The following CACNA1C variants were observed in gnomAD, a reference collection of about 807,000 sequenced individuals.
CACNA1C encodes calcium voltage-gated channel subunit alpha1 C.
In CACNA1C, 30 loss-of-function variants were observed where a neutral mutation model predicts 229.0. The ratio of observed to expected loss-of-function variants is 0.13; its 90% confidence interval spans 0.10 to 0.18. The LOEUF (loss-of-function observed/expected upper bound fraction) is 0.18, where lower values mean the gene tolerates loss of function less well. CACNA1C is among the 10% of genes least tolerant of loss of function. The pLI is 1.00. For missense variants in CACNA1C, 1,658 were observed against 2,845.0 expected, an observed-to-expected ratio of 0.58 and a Z score of 9.49; for synonymous variants, 1,114 against 1,132.5, an observed-to-expected ratio of 0.98 and a Z score of 0.33.
chr12:2,517,756 G>T (rs536244860), intron 9 of CACNA1C, among the ~76,000 whole-genome samples: 5 of 152,342 alleles, frequency 3.3e-5, no homozygotes, highest in African/African-American at 1.2e-4. Flanking sequence ...ACTGCTCAAA[G>T]GGACAGGGCT....
At chr12:2,573,033 T>TTTC (rs566983235) in intron 13 of CACNA1C, among the ~76,000 whole-genome samples, 2 of 150,140 alleles carry the variant, frequency 1.3e-5, no homozygotes, top group African/African-American at 4.9e-5. Context: ...TCTTCTTCCT[T>TTTC]TTCTTCTTCT....
chr12:2,197,654 ACTTC>A (rs1326560548), intron 3 of CACNA1C, among the ~76,000 whole-genome samples: 1 of 152,196 alleles, frequency 6.6e-6, no homozygotes, highest in African/African-American at 2.4e-5. Flanking sequence ...ATCAGTCAGG[ACTTC>A]CTTCCTTTCC....
intron 3 of CACNA1C, among the ~76,000 whole-genome samples, chr12:2,256,859 A>G (rs1469462411): frequency 6.6e-6 from 1 of 152,210 alleles, no homozygotes; most frequent in African/African-American, 2.4e-5. Flanking sequence ...CCAGGTTTGG[A>G]AACCAGCATG....
chr12:2,611,926 C>A lies in CACNA1C; in HGVS notation c.3741C>A (p.Phe1247Leu). 1 of 1,613,374 alleles carries A rather than the reference C, an allele frequency of 6.2e-7. No individual in the cohort carries two copies. Among genetic ancestry groups the A allele is most frequent in the South Asian group, 1.1e-5 (1 of 91,042 alleles). The change falls in exon 29 of 47, where the codon TTC (phenylalanine) becomes TTA (leucine). Residue 1247 changes from phenylalanine to leucine, a missense_variant. This residue lies in a region of CACNA1C where 67 missense variants were observed against 106.4 expected (regional missense o/e 0.63). Transcript: ENST00000399655. Reference sequence around the variant, plus strand: ...AGCACTACGGCCAGAGCTGCCTGTTCAAAATCGCCATGAACATCCTCAACA... The same window carrying A: ...AGCACTACGGCCAGAGCTGCCTGTTAAAAATCGCCATGAACATCCTCAACA... The part of the protein sequence containing the change: ...AMQHYGQSCL[F>L]KIAMNILNML...
At chr12:2,552,658 A>G (rs1235898547) in intron 10 of CACNA1C, among the ~76,000 whole-genome samples, 2 of 152,124 alleles carry the variant, frequency 1.3e-5, no homozygotes, top group South Asian at 2.1e-4. Flanking sequence ...GGTGAGAGGT[A>G]ATGTGGCAGC....
Position 2,653,978 on chromosome 12 carries a change from C to T in CACNA1C, c.4140+78C>T. On this transcript the variant is annotated intron_variant, in intron 33 of 46. Transcript: ENST00000399655. The surrounding 1 kb of genome is among the most constrained non-coding windows in gnomAD (Gnocchi z 4.7). ...GTTCCCAGCACCACATTCCCTAACG[C>T]CTTCCTCCCTCCCTTCTCCCTTTCA... The T allele has an allele frequency of 8.8e-7, 1 of 1,131,710 alleles. No homozygotes were observed. The highest frequency in any genetic ancestry group is 1.5e-5 in the African/African-American group (1 of 65,836). 70.1% of individuals were successfully genotyped at this position (1,131,710 alleles called of 1,614,324 possible).
intron 37 of CACNA1C, 39 bp from the exon 38 acceptor site, chr12:2,668,894 C>A (rs2096389923): frequency 7.1e-7 from 1 of 1,412,454 alleles, no homozygotes; most frequent in African/African-American, 1.4e-5. Flanking sequence ...CTAAGCACCG[C>A]CTGCCATCAT....
In CACNA1C at chr12:2,348,923, T is replaced by C. The variant is rs1361508464; in HGVS notation, c.478-100053T>C. Among the ~76,000 whole-genome samples the C allele has an allele frequency of 1.3e-5, 2 of 152,136 alleles. No individual in the cohort carries two copies. The highest frequency in any genetic ancestry group is 2.9e-5 in the Non-Finnish European group (2 of 68,014). ...CTAAAGTCCTCCTTAATGGAATTCC[T>C]CTTAGAGGCAGGCATCGACTGGCTA... On this transcript the variant is annotated intron_variant, in intron 3 of 46. Coordinates refer to ENST00000399655, the MANE Select transcript of CACNA1C (RefSeq NM_000719.7). This position sits in a 1 kb window ranked among gnomAD's most constrained non-coding sequence, Gnocchi z 4.7.
rs757710186 is a variant in CACNA1C at position 2,651,648 on chromosome 12, G to A, written c.3954G>A (p.Glu1318=). ...HTQCSPSMNA[E]ENSRISITFF... ...TTGCCGACGGGTTCCAGAACGCAGAGGAAAACTCCCGCATCTCCATCACCT... is the reference window on the plus strand; with the variant it reads ...TTGCCGACGGGTTCCAGAACGCAGAAGAAAACTCCCGCATCTCCATCACCT... Residue 1318 remains glutamate, a synonymous_variant, in exon 32 of 47, where the codon GAG becomes GAA. Coordinates refer to ENST00000399655, the MANE Select transcript of CACNA1C (RefSeq NM_000719.7). This position sits in a 1 kb window ranked among gnomAD's most constrained non-coding sequence, Gnocchi z 5.4. 6.2e-7 allele frequency: 1 copy of A among 1,613,914 alleles called. No individual in the cohort carries two copies. The highest frequency in any genetic ancestry group is 1.1e-5 in the South Asian group (1 of 91,050).
At chr12:1,983,805 G>T (rs1328682609) in intron 1 of CACNA1C, among the ~76,000 whole-genome samples, 2 of 151,532 alleles carry the variant, frequency 1.3e-5, no homozygotes, top group East Asian at 3.9e-4. Context: ...ATTGATTGTA[G>T]AAAGTGGAGC....
intron 1 of CACNA1C, among the ~76,000 whole-genome samples, chr12:2,014,008 G>A (rs755254927): frequency 2.6e-5 from 4 of 152,146 alleles, no homozygotes; most frequent in African/African-American, 9.7e-5. Context: ...AAAGGGAAGG[G>A]TGTTTTCCAC....
Position 2,457,554 on chromosome 12 carries a change from TC to T in CACNA1C, c.618-11del. 1 of 1,606,800 alleles carries T rather than the reference TC, an allele frequency of 6.2e-7. No individual in the cohort carries two copies. The highest frequency in any genetic ancestry group is 1.1e-5 in the South Asian group (1 of 90,040). On this transcript the variant is annotated splice_polypyrimidine_tract_variant and intron_variant, in intron 4 of 46. Coordinates refer to ENST00000399655, the MANE Select transcript of CACNA1C (RefSeq NM_000719.7). The stretch of plus-strand genomic sequence containing the variant: ...CCAGTCCTGACAGTCCTTCTCTCTT[TC>T]CTCTCTTCTAGGCTTTTTAGTGCAA...
rs1053260738 is a variant in CACNA1C at position 2,054,513 on chromosome 12, C to T, written c.49+902C>T. Among the ~76,000 whole-genome samples the T allele has an allele frequency of 1.1e-3, 166 of 152,340 alleles. 1 individual carries two copies. Among genetic ancestry groups the T allele is most frequent in the African/African-American group, 3.9e-3 (161 of 41,590 alleles). The stretch of plus-strand genomic sequence containing the variant: ...TGGCCGCGAGTGTCACCAGCTCCCC[C>T]TGTGATGGTGAAAGGCAGTCAGGTA... On this transcript the variant is annotated intron_variant, in intron 1 of 46. Transcript: ENST00000399655. This position sits in a 1 kb window ranked among gnomAD's most constrained non-coding sequence, Gnocchi z 5.5.
intron 6 of CACNA1C, among the ~76,000 whole-genome samples, chr12:2,492,258 A>T (rs928585783): frequency 6.6e-6 from 1 of 152,192 alleles, no homozygotes; most frequent in Non-Finnish European, 1.5e-5. Flanking sequence ...TCACATCTTC[A>T]TTCATTAATT....
chr12:2,455,947 A>G (rs1361607422), intron 4 of CACNA1C, among the ~76,000 whole-genome samples: 2 of 152,142 alleles, frequency 1.3e-5, no homozygotes, highest in African/African-American at 4.8e-5. Flanking sequence ...AGGTAGTCAC[A>G]TACAATTTGA....
intron 10 of CACNA1C, among the ~76,000 whole-genome samples, chr12:2,552,825 A>G (rs145815421): frequency 1.1e-4 from 17 of 152,284 alleles, no homozygotes; most frequent in African/African-American, 3.9e-4. Flanking sequence ...CAGTGAGGCC[A>G]TGGACAGGGA....
intron 5 of CACNA1C, among the ~76,000 whole-genome samples, chr12:2,469,426 T>A (rs2154567435): frequency 6.6e-6 from 1 of 152,268 alleles, no homozygotes; most frequent in East Asian, 1.9e-4. Flanking sequence ...AAATAGGAAA[T>A]ACACTCATGT....
In CACNA1C at chr12:2,197,002, C is replaced by T. The variant is rs190952125; in HGVS notation, c.477+76572C>T. Reference sequence around the variant, plus strand: ...GAACCTGTTAGCCACCTGCCTTTTGCTCAGAAAAGGTGGGCTGGAGCTGCC... The same window carrying T: ...GAACCTGTTAGCCACCTGCCTTTTGTTCAGAAAAGGTGGGCTGGAGCTGCC... On this transcript the variant is annotated intron_variant, in intron 3 of 46. Coordinates refer to ENST00000399655, the MANE Select transcript of CACNA1C (RefSeq NM_000719.7). 6.6e-5 allele frequency among the ~76,000 whole-genome samples: 10 copies of T among 152,276 alleles called. 1 individual carries two copies. Among genetic ancestry groups the T allele is most frequent in the African/African-American group, 2.4e-4 (10 of 41,550 alleles).
chr12:2,194,587 C>T (rs1174129447), intron 3 of CACNA1C, among the ~76,000 whole-genome samples: 1 of 152,148 alleles, frequency 6.6e-6, no homozygotes, highest in Non-Finnish European at 1.5e-5. Context: ...ATCTTCCTTC[C>T]TTCCCCCTTC....
Sources: gnomAD v4.1 joint callset for allele counts (sites outside exome capture counted in the v4.1 genomes callset) on GRCh38, gnomAD v4.1.1 for gene constraint, gnomAD v4.1.1 regional missense constraint, Gnocchi (gnomAD v3.1) non-coding constraint, MANE v1.5 for transcripts, NCBI Gene and HGNC (gene_info 2026-07-23, HGNC 2026-07-21) for gene names.